The following TAF1A variants were observed in gnomAD, a reference collection of about 807,000 sequenced individuals.
The protein encoded by TAF1A is TATA box-binding protein-associated factor RNA polymerase I subunit A.
A neutral mutation model predicts 61.6 loss-of-function variants in TAF1A; 42 were observed. That is an observed-to-expected ratio of 0.68 (90% CI 0.53 to 0.88). TAF1A has a LOEUF of 0.88. TAF1A is among the 40% of genes least tolerant of loss of function. TAF1A has a pLI of 0.00. For synonymous variants in TAF1A, 179 were observed against 177.7 expected, an observed-to-expected ratio of 1.01 and a Z score of -0.06; for missense variants, 424 against 518.7, an observed-to-expected ratio of 0.82 and a Z score of 1.77.
At chr1:222,579,984 A>G in intron 3 of TAF1A, 112 bp from the exon 4 acceptor site, 3 of 1,258,426 alleles carry the variant, frequency 2.4e-6, no homozygotes, top group Non-Finnish European at 3.2e-6. Flanking sequence ...CCTTTTCCAG[A>G]GACCACTACC....
chr1:222,586,125 C>T (rs78629125), intron 2 of TAF1A, among the ~76,000 whole-genome samples: 2,012 of 152,258 alleles, frequency 0.013, 55 homozygotes, highest in African/African-American at 0.046. Flanking sequence ...CCTTGCTACT[C>T]AATGTGGTCC....
At chr1:222,563,733 G>C (rs1660005522) in intron 8 of TAF1A, among the ~76,000 whole-genome samples, 1 of 152,216 alleles carries the variant, frequency 6.6e-6, no homozygotes, top group Admixed American at 6.5e-5. Flanking sequence ...GGATTAAAAT[G>C]GAGTGAATTA....
At chr1:222,574,534 A>G (rs1229628321) in intron 5 of TAF1A, among the ~76,000 whole-genome samples, 2 of 152,202 alleles carry the variant, frequency 1.3e-5, no homozygotes, top group Non-Finnish European at 2.9e-5. Context: ...TACAGAAATT[A>G]ATAGGGGTTC....
chr1:222,588,307 C>G, intron 2 of TAF1A, 136 bp downstream of exon 2: 1 of 1,018,440 alleles, frequency 9.8e-7, no homozygotes, highest in South Asian at 1.7e-5. Context: ...AAAAAGATTT[C>G]TTTTGGCTTT....
At chr1:222,578,386 T>A (rs998161655) in intron 4 of TAF1A, among the ~76,000 whole-genome samples, 2 of 152,204 alleles carry the variant, frequency 1.3e-5, no homozygotes, top group African/African-American at 4.8e-5. Context: ...TTTCATCTTG[T>A]TAGTCATTTG....
chr1:222,569,328 G>A, intron 7 of TAF1A, 182 bp downstream of exon 7: 1 of 1,524,704 alleles, frequency 6.6e-7, no homozygotes, highest in Non-Finnish European at 8.8e-7. Context: ...GGGCAGCAGG[G>A]GATAGTGTGG....
chr1:222,585,546 C>A (rs1660977433), intron 2 of TAF1A, among the ~76,000 whole-genome samples: 1 of 151,806 alleles, frequency 6.6e-6, no homozygotes, highest in Non-Finnish European at 1.5e-5. Flanking sequence ...CTCCTGGGTT[C>A]AAGTGATCCT....
rs1437444173 is a variant in TAF1A at position 222,561,467 on chromosome 1, C to A, written c.1137G>T (p.Trp379Cys). 1 of 1,612,824 alleles carries A rather than the reference C, an allele frequency of 6.2e-7. No individual in the cohort carries two copies. Among genetic ancestry groups the A allele is most frequent in the Non-Finnish European group, 8.5e-7 (1 of 1,179,356 alleles). The change falls in exon 10 of 11, where the codon TGG (tryptophan) becomes TGT (cysteine). Residue 379 changes from tryptophan to cysteine, a missense_variant. Coordinates refer to ENST00000352967, the MANE Select transcript of TAF1A (RefSeq NM_005681.4). The stretch of plus-strand genomic sequence containing the variant: ...AAAAGTAGCTGAAATGAAAGCCTGG[C>A]CACCAGTTTTTCCTGGAGTTCCACT... Reference protein sequence around the residue: ...QEEWNSRKNWWPGFHFSYFWA... With the variant: ...QEEWNSRKNWCPGFHFSYFWA...
chr1:222,579,574 G>A (rs1215974345), intron 4 of TAF1A, among the ~76,000 whole-genome samples, 185 bp downstream of exon 4: 1 of 152,130 alleles, frequency 6.6e-6, no homozygotes, highest in Non-Finnish European at 1.5e-5. Flanking sequence ...GAGAACACAG[G>A]AGGCGCCTGA....
At chr1:222,582,110 T>C (rs1439007073) in intron 3 of TAF1A, among the ~76,000 whole-genome samples, 3 of 152,236 alleles carry the variant, frequency 2.0e-5, no homozygotes, top group African/African-American at 7.2e-5. Flanking sequence ...AAGGTGTCAC[T>C]ATCTCATGTC....
chr1:222,564,201 A>G, intron 7 of TAF1A, 76 bp from the exon 8 acceptor site: 1 of 954,438 alleles, frequency 1.0e-6, no homozygotes, highest in Admixed American at 2.4e-5. Flanking sequence ...CTTTCAAAAT[A>G]AAGTTCTTAC....
At chr1:222,559,984 A>G (rs1335372287) in intron 10 of TAF1A, among the ~76,000 whole-genome samples, 1 of 152,186 alleles carries the variant, frequency 6.6e-6, no homozygotes, top group South Asian at 2.1e-4. Flanking sequence ...ACCCTAACAT[A>G]GAGAAAAAGC....
intron 5 of TAF1A, among the ~76,000 whole-genome samples, chr1:222,576,002 C>A (rs1373821707): frequency 6.6e-6 from 1 of 152,062 alleles, no homozygotes; most frequent in Admixed American, 6.5e-5. Flanking sequence ...GAAAATATGA[C>A]AAGACTAACA....
intron 4 of TAF1A, 82 bp downstream of exon 4, chr1:222,579,677 T>A: frequency 2.0e-6 from 3 of 1,521,224 alleles, no homozygotes; most frequent in Non-Finnish European, 2.7e-6. Context: ...ATTTTTTAGG[T>A]TAACTACCTT....
intron 5 of TAF1A, among the ~76,000 whole-genome samples, chr1:222,576,040 C>T (rs1410129638): frequency 6.6e-6 from 1 of 152,182 alleles, no homozygotes; most frequent in Non-Finnish European, 1.5e-5. Context: ...TTACATCAAA[C>T]ATTGATTAGT....
intron 5 of TAF1A, among the ~76,000 whole-genome samples, chr1:222,574,001 T>A (rs1055761865): frequency 4.0e-5 from 6 of 151,840 alleles, no homozygotes; most frequent in Admixed American, 2.0e-4. Flanking sequence ...AAAAAAAAAT[T>A]ATGCTAAGTA....
At chr1:222,573,443 G>C (rs1660441719) in intron 5 of TAF1A, among the ~76,000 whole-genome samples, 10 of 152,056 alleles carry the variant, frequency 6.6e-5, no homozygotes, top group Admixed American at 6.5e-4. Flanking sequence ...ATGAGCAAAA[G>C]ATCTGAATGA....
intron 5 of TAF1A, among the ~76,000 whole-genome samples, chr1:222,571,989 G>T (rs1351197494): frequency 1.3e-5 from 2 of 152,134 alleles, no homozygotes; most frequent in Non-Finnish European, 2.9e-5. Context: ...GGCCGATGTG[G>T]GTGGATCACC....
At chr1:222,581,902 T>C (rs2102675396) in intron 3 of TAF1A, among the ~76,000 whole-genome samples, 1 of 152,336 alleles carries the variant, frequency 6.6e-6, no homozygotes, top group South Asian at 2.1e-4. Context: ...ACCAGAAATG[T>C]TTCAGACTTG....
Sources: gnomAD v4.1 joint callset for allele counts (sites outside exome capture counted in the v4.1 genomes callset) on GRCh38, gnomAD v4.1.1 for gene constraint, MANE v1.5 for transcripts, NCBI Gene and HGNC (gene_info 2026-07-23, HGNC 2026-07-21) for gene names.